SVEP1: variants seen among roughly 807,000 people sequenced by gnomAD.
SVEP1 encodes sushi, von Willebrand factor type A, EGF and pentraxin domain-containing protein 1.
Under a neutral mutation model 367.3 loss-of-function variants are expected in SVEP1, and 164 were observed. The observed-to-expected ratio is 0.45, with a 90% CI of 0.39 to 0.51. The LOEUF (loss-of-function observed/expected upper bound fraction) is 0.51, where lower values mean the gene tolerates loss of function less well. Among genes scored for constraint, SVEP1 ranks in the 20% least tolerant of loss-of-function variants. SVEP1 has a pLI of 0.00. For synonymous variants in SVEP1, 1,666 were observed against 1,611.6 expected (o/e 1.03, Z -0.81); for missense variants, 4,117 against 4,425.3 (o/e 0.93, Z 1.98).
chr9:110,468,370 ACCCTAC>A (rs1828969028), intron 17 of SVEP1, among the ~76,000 whole-genome samples: 1 of 152,198 alleles, frequency 6.6e-6, no homozygotes, highest in Non-Finnish European at 1.5e-5. Context: ...GGCTTAGAAC[ACCCTAC>A]CCCTAAATAT....
intron 16 of SVEP1, among the ~76,000 whole-genome samples, chr9:110,469,522 C>T (rs1828985479): frequency 6.6e-6 from 1 of 152,134 alleles, no homozygotes; most frequent in Admixed American, 6.5e-5. Context: ...GAATGCTTCC[C>T]CATTGAAACT....
intron 1 of SVEP1, among the ~76,000 whole-genome samples, chr9:110,555,290 T>G (rs997128612): frequency 6.6e-6 from 1 of 152,012 alleles, no homozygotes; most frequent in African/African-American, 2.4e-5. Flanking sequence ...AGAGTACATG[T>G]TCATAACTAT....
At chr9:110,506,821 GAGGGGAAACAT>G (rs1281934621) in intron 5 of SVEP1, among the ~76,000 whole-genome samples, 2 of 152,092 alleles carry the variant, frequency 1.3e-5, no homozygotes, top group African/African-American at 4.8e-5. Context: ...AAGAGAAAGG[GAGGGGAAACAT>G]AGGTGGAGGA....
chr9:110,446,736 T>C (rs1040290684), intron 25 of SVEP1, among the ~76,000 whole-genome samples, 164 bp downstream of exon 25: 3 of 152,210 alleles, frequency 2.0e-5, no homozygotes, highest in Non-Finnish European at 4.4e-5. Context: ...AGGATAATAG[T>C]AGTAGTACCT....
chr9:110,501,543 A>AT (rs1482652953), intron 6 of SVEP1, among the ~76,000 whole-genome samples: 3 of 151,938 alleles, frequency 2.0e-5, no homozygotes, highest in African/African-American at 7.3e-5. Context: ...AATGATGATG[A>AT]TTTTCAATCC....
chr9:110,533,069 T>C (rs1830039930), intron 3 of SVEP1, among the ~76,000 whole-genome samples: 1 of 152,038 alleles, frequency 6.6e-6, no homozygotes, highest in Non-Finnish European at 1.5e-5. Context: ...TAGGGTTCAC[T>C]CTCCTATGAG....
intron 1 of SVEP1, among the ~76,000 whole-genome samples, chr9:110,571,995 TC>T (rs1830568785): frequency 6.6e-6 from 1 of 152,360 alleles, no homozygotes; most frequent in East Asian, 1.9e-4. Context: ...GTTTACATTC[TC>T]TGGGTTACAC....
intron 8 of SVEP1, among the ~76,000 whole-genome samples, chr9:110,493,033 G>C (rs1348730414): frequency 1.3e-5 from 2 of 152,084 alleles, no homozygotes; most frequent in Admixed American, 6.6e-5. Context: ...CCCAGTTGTT[G>C]GCATGGTGAA....
At chr9:110,375,489 A>AAAAAAAAC in intron 45 of SVEP1, 26 bp from the exon 46 acceptor site, 2 of 1,362,668 alleles carry the variant, frequency 1.5e-6, no homozygotes. Context: ...AAAAAAAAAA[A>AAAAAAAAC]AGGAGGCAGG....
At chr9:110,397,157 G>T (rs1406092398) in intron 40 of SVEP1, among the ~76,000 whole-genome samples, 2 of 152,124 alleles carry the variant, frequency 1.3e-5, no homozygotes, top group African/African-American at 4.8e-5. Context: ...GATCAAGTGG[G>T]CTTCATCCCT....
rs376229752 is a variant in SVEP1, at chr9:110,457,309, G to C, written c.3620C>G (p.Thr1207Ser). The C allele has an allele frequency of 3.5e-5, 56 of 1,612,600 alleles. No individual in the cohort carries two copies. The African/African-American group carries it at 4.8e-4, about 14-fold the overall frequency. Reference sequence around the variant, plus strand: ...ATAACCACGCCCAAGTTGCTGGCAGGTTCCACTATTGTGGCAAGGGTTAAA... The same window carrying C: ...ATAACCACGCCCAAGTTGCTGGCAGCTTCCACTATTGTGGCAAGGGTTAAA... ...CFFNPCHNSG[T>S]CQQLGRGYVC... The change falls in exon 21 of 48, where the codon ACC becomes AGC. Residue 1207 changes from threonine to serine, a missense_variant. By Grantham distance (58) the Thr-to-Ser change is moderately conservative. Around this residue, in one of 4 missense-constraint regions of SVEP1, gnomAD observed 2,174 missense variants for 2,494.3 expected, o/e 0.87. Transcript: ENST00000374469.
chr9:110,441,334 T>A (rs1035549417), intron 27 of SVEP1, among the ~76,000 whole-genome samples: 21 of 152,146 alleles, frequency 1.4e-4, no homozygotes, highest in African/African-American at 5.1e-4. Flanking sequence ...CTAGTTTGTC[T>A]GTGTTTCTCT....
rs886156728 is a variant in SVEP1 at position 110,406,972 on chromosome 9, A to G, written c.8628T>C (p.Asn2876=). ...EGARSRVCLA[N]GSWSGATPDC... is the part of the protein sequence containing the mutation. ...CGGGAGTGGCTCCACTCCAACTTCC[A>G]TTGGCAAGACAAACCCGACTCCTGG... Residue 2876 remains asparagine (N), a synonymous_variant, in exon 38 of 48, where the codon AAT becomes AAC. Coordinates refer to ENST00000374469, the MANE Select transcript of SVEP1 (RefSeq NM_153366.4). 2 of 1,613,806 alleles carry G rather than the reference A, an allele frequency of 1.2e-6. No individual in the cohort carries two copies. Among genetic ancestry groups the G allele is most frequent in the Non-Finnish European group, 1.7e-6 (2 of 1,179,852 alleles).
intron 5 of SVEP1, among the ~76,000 whole-genome samples, chr9:110,504,522 G>T (rs1329094217): frequency 1.3e-5 from 2 of 152,154 alleles, no homozygotes; most frequent in East Asian, 3.8e-4. Flanking sequence ...CACCATGATG[G>T]TATAGCAAAA....
intron 39 of SVEP1, among the ~76,000 whole-genome samples, chr9:110,401,712 A>G (rs1588035167): frequency 6.6e-6 from 1 of 151,960 alleles, no homozygotes; most frequent in East Asian, 1.9e-4. Flanking sequence ...ACCCAGAAAG[A>G]TTTCTGCAAA....
intron 21 of SVEP1, 121 bp from the exon 22 acceptor site, chr9:110,455,824 G>GT: frequency 3.0e-6 from 1 of 333,480 alleles, no homozygotes; most frequent in Non-Finnish European, 5.1e-6. Flanking sequence ...GTGGTAAAGG[G>GT]TAATATTCAT....
intron 32 of SVEP1, among the ~76,000 whole-genome samples, chr9:110,431,104 A>T (rs1321949228): frequency 2.6e-4 from 39 of 152,340 alleles, no homozygotes; most frequent in Non-Finnish European, 1.5e-5. Context: ...AAGTAAATGC[A>T]ATTATGAGCT....
rs189117478 is a variant in SVEP1 at position 110,545,933 on chromosome 9, C to T, written c.964+182G>A. Among the ~76,000 whole-genome samples, 16 of 152,304 alleles carry T rather than the reference C, an allele frequency of 1.1e-4. No individual in the cohort carries two copies. In the East Asian group the frequency reaches 3.1e-3, roughly 29 times the overall value. ...GAATCCAGCTGAGATCAGCCAGCAG[C>T]CTACTCAACTCACCGCTGATGGCAA... On this transcript the variant is annotated intron_variant, in intron 3 of 47. Transcript: ENST00000374469.
chr9:110,540,683 A>C (rs558684850), intron 3 of SVEP1, among the ~76,000 whole-genome samples: 2 of 152,174 alleles, frequency 1.3e-5, no homozygotes, highest in East Asian at 3.8e-4. Context: ...AACCAGTTCA[A>C]ACATATCATA....
Sources: gnomAD v4.1 joint callset for allele counts (sites outside exome capture counted in the v4.1 genomes callset) on GRCh38, gnomAD v4.1.1 for gene constraint, gnomAD v4.1.1 regional missense constraint, MANE v1.5 for transcripts, NCBI Gene and HGNC (gene_info 2026-07-23, HGNC 2026-07-21) for gene names.